Variants in PTPRN2 observed in about 807,000 individuals in gnomAD.
The protein encoded by PTPRN2 is receptor-type tyrosine-protein phosphatase N2.
Under a neutral mutation model 118.8 loss-of-function variants are expected in PTPRN2, and 74 were observed. That is an observed-to-expected ratio of 0.62 (90% CI 0.52 to 0.76). The LOEUF (loss-of-function observed/expected upper bound fraction) is 0.76. Among genes scored for constraint, PTPRN2 ranks in the 30% least tolerant of loss-of-function variants. PTPRN2 has a pLI of 0.00. For synonymous variants in PTPRN2, 641 were observed against 608.0 expected (o/e 1.05, Z -0.80); for missense variants, 1,481 against 1,394.4 (o/e 1.06, Z -0.99).
intron 2 of PTPRN2, among the ~76,000 whole-genome samples, chr7:158,370,473 C>G (rs1809889132): frequency 6.7e-6 from 1 of 148,768 alleles, no homozygotes; most frequent in Non-Finnish European, 1.5e-5. Flanking sequence ...GCTGGGAGGG[C>G]TGGGCGCAGT....
intron 11 of PTPRN2, among the ~76,000 whole-genome samples, chr7:157,980,116 G>T (rs1420509055): frequency 6.6e-6 from 1 of 151,994 alleles, no homozygotes; most frequent in Non-Finnish European, 1.5e-5. Context: ...TTGATGACTT[G>T]GTAAAAATTC....
At chr7:157,925,613 C>T (rs892775194) in intron 11 of PTPRN2, among the ~76,000 whole-genome samples, 8 of 152,112 alleles carry the variant, frequency 5.3e-5, no homozygotes, top group South Asian at 2.1e-4. Flanking sequence ...ACGTGGAAAC[C>T]GCATGGGGCC....
intron 3 of PTPRN2, among the ~76,000 whole-genome samples, chr7:158,262,413 TACATTCACACACATACAC>T (rs1797489718): frequency 8.1e-6 from 1 of 123,254 alleles, no homozygotes; most frequent in African/African-American, 3.2e-5. Context: ...CACACATACA[TACATTCACACACATACAC>T]ACATTCACAC....
At chr7:157,877,588 C>T (rs1364548512) in intron 12 of PTPRN2, among the ~76,000 whole-genome samples, 1 of 152,196 alleles carries the variant, frequency 6.6e-6, no homozygotes, top group African/African-American at 2.4e-5. Context: ...TCTCTCCTCC[C>T]CTCCGTGCAC....
intron 11 of PTPRN2, among the ~76,000 whole-genome samples, chr7:158,026,763 G>A (rs118034410): frequency 1.3e-5 from 2 of 152,234 alleles, no homozygotes; most frequent in East Asian, 1.9e-4. Context: ...ACAGGACACC[G>A]GGAGGAAGGC....
At chr7:157,703,740 C>T (rs568560353) in intron 12 of PTPRN2, among the ~76,000 whole-genome samples, 115 of 152,248 alleles carry the variant, frequency 7.6e-4, no homozygotes, top group African/African-American at 2.6e-3. Context: ...CCTCACTCCC[C>T]GCGGCCGCTT....
chr7:157,877,611 A>G (rs1184099795), intron 12 of PTPRN2, among the ~76,000 whole-genome samples: 1 of 152,030 alleles, frequency 6.6e-6, no homozygotes, highest in Non-Finnish European at 1.5e-5. Context: ...CGCCCACGTC[A>G]CAAAGAGGAA....
rs1164426736 is a variant in PTPRN2, at chr7:157,726,134, G to GT, written c.1789-43198_1789-43197insA. 3.2e-4 allele frequency among the ~76,000 whole-genome samples: 18 copies of GT among 57,060 alleles called. 1 individual carries two copies. The highest frequency in any genetic ancestry group is 3.3e-4 in the Admixed American group (2 of 6,070). The allele number at this position is 57,060 out of a possible 152,430, so 37.4% of individuals were successfully genotyped here. The stretch of plus-strand genomic sequence containing the variant: ...ACTGGATATCCACATGCAGAGGAAT[G>GT]AGCCAGACTCTCGCCTCCCAGGAAA... On this transcript the variant is annotated intron_variant, in intron 12 of 22. Transcript: ENST00000389418.
At chr7:157,854,049 C>T (rs1809496084) in intron 12 of PTPRN2, among the ~76,000 whole-genome samples, 1 of 152,198 alleles carries the variant, frequency 6.6e-6, no homozygotes, top group African/African-American at 2.4e-5. Context: ...ACACATTGAC[C>T]CTGGACTCCC....
At chr7:157,935,013 T>A (rs1251884096) in intron 11 of PTPRN2, among the ~76,000 whole-genome samples, 2 of 152,260 alleles carry the variant, frequency 1.3e-5, no homozygotes, top group Non-Finnish European at 2.9e-5. Context: ...TAGTGAAGAA[T>A]GAAGTCAGTC....
chr7:157,916,035 A>G (rs1353909908), intron 11 of PTPRN2, among the ~76,000 whole-genome samples: 1 of 152,214 alleles, frequency 6.6e-6, no homozygotes, highest in East Asian at 1.9e-4. Flanking sequence ...AAATAATCTA[A>G]TGATTTTATA....
At chr7:158,340,593 G>T (rs868079740) in intron 2 of PTPRN2, among the ~76,000 whole-genome samples, 3 of 112,230 alleles carry the variant, frequency 2.7e-5, no homozygotes, top group African/African-American at 1.0e-4. Context: ...GACGCCCGCA[G>T]ACATCACTCA....
At chr7:157,948,082 T>C (rs1800593034) in intron 11 of PTPRN2, among the ~76,000 whole-genome samples, 3 of 152,166 alleles carry the variant, frequency 2.0e-5, no homozygotes, top group Admixed American at 2.0e-4. Context: ...TGCAGGTCAT[T>C]GAGGCTGAAA....
At chr7:158,104,088 C>T (rs1395877752) in intron 10 of PTPRN2, among the ~76,000 whole-genome samples, 1 of 152,160 alleles carries the variant, frequency 6.6e-6, no homozygotes, top group Non-Finnish European at 1.5e-5. Context: ...GTCCTGAACT[C>T]CTGAGCTCAT....
Position 157,840,304 on chromosome 7 carries a change from T to C in PTPRN2, c.1788+58369A>G, listed in dbSNP as rs373156559. On this transcript the variant is annotated intron_variant, in intron 12 of 22. Transcript: ENST00000389418. ...CTGTGTGACCGTGTGACTGTGTGAC[T>C]GTGTGGCCACGTGTGACTGTGTGAC... is the stretch of plus-strand genomic sequence containing the variant. Among the ~76,000 whole-genome samples, 242 of 135,626 alleles carry C rather than the reference T, an allele frequency of 1.8e-3. 1 individual carries two copies. Among genetic ancestry groups the C allele is most frequent in the East Asian group, 7.1e-3 (32 of 4,522 alleles). The allele number at this position is 135,626 out of a possible 152,430, so 89.0% of individuals were successfully genotyped here.
intron 2 of PTPRN2, among the ~76,000 whole-genome samples, chr7:158,432,456 G>A (rs545626865): frequency 6.6e-6 from 1 of 152,212 alleles, no homozygotes; most frequent in African/African-American, 2.4e-5. Flanking sequence ...TGTTCAGGAG[G>A]GGGAGGGTGC....
At chr7:158,199,996 A>T (rs992170048) in intron 4 of PTPRN2, among the ~76,000 whole-genome samples, 1 of 152,204 alleles carries the variant, frequency 6.6e-6, no homozygotes, top group Non-Finnish European at 1.5e-5. Context: ...AATCCAAAAT[A>T]AGACAAAATT....
intron 3 of PTPRN2, among the ~76,000 whole-genome samples, chr7:158,287,272 A>C (rs544378905): frequency 1.3e-5 from 2 of 152,170 alleles, no homozygotes; most frequent in African/African-American, 4.8e-5. Context: ...TCAACAAACA[A>C]ACTCTTAGTT....
chr7:157,729,911 G>C lies in PTPRN2; in HGVS notation c.1789-46974C>G, dbSNP rs1013417205. ...CTGATCCACGTGTGTCTGTGAGTGT[G>C]ACTCGGAGGAGTCCAGCATTGGATT... On this transcript the variant is annotated intron_variant, in intron 12 of 22. Transcript: ENST00000389418. The surrounding 1 kb of genome is among the most constrained non-coding windows in gnomAD (Gnocchi z 4.3). Among the ~76,000 whole-genome samples, 1 of 152,176 alleles carries C rather than the reference G, an allele frequency of 6.6e-6. No individual in the cohort carries two copies. Among genetic ancestry groups the C allele is most frequent in the African/African-American group, 2.4e-5 (1 of 41,450 alleles).
Sources: allele counts gnomAD v4.1 joint callset (sites outside exome capture counted in the v4.1 genomes callset), GRCh38; gene constraint gnomAD v4.1.1; non-coding constraint Gnocchi (gnomAD v3.1); transcripts MANE v1.5; gene names NCBI Gene and HGNC (gene_info 2026-07-23, HGNC 2026-07-21).